The following BCAS3 variants were observed in gnomAD, a reference collection of about 807,000 sequenced individuals.
The protein encoded by BCAS3 is BCAS4/BCAS3 fusion.
In BCAS3, 53 loss-of-function variants were observed where a neutral mutation model predicts 116.1. That is an observed-to-expected ratio of 0.46 (90% CI 0.37 to 0.57). The LOEUF (loss-of-function observed/expected upper bound fraction) is 0.57, where lower values mean the gene tolerates loss of function less well. Among genes scored for constraint, BCAS3 ranks in the 20% least tolerant of loss-of-function variants. The pLI, the probability that BCAS3 is intolerant of heterozygous loss-of-function variation, is 0.00. For synonymous variants in BCAS3, 391 were observed against 408.2 expected (o/e 0.96, Z 0.51); for missense variants, 917 against 1,165.4 (o/e 0.79, Z 3.10).
chr17:60,785,093 C>T (rs1405724381), intron 6 of BCAS3, among the ~76,000 whole-genome samples: 3 of 151,822 alleles, frequency 2.0e-5, no homozygotes, highest in South Asian at 2.1e-4. Flanking sequence ...AGCGAGACTC[C>T]GTCTCAAAAA....
intron 7 of BCAS3, among the ~76,000 whole-genome samples, chr17:60,837,645 C>T (rs1341304001): frequency 2.7e-5 from 4 of 148,156 alleles, no homozygotes; most frequent in Non-Finnish European, 5.9e-5. Flanking sequence ...GCAAATATTT[C>T]ACAATACTTT....
At chr17:60,957,790 C>T (rs887997736) in intron 14 of BCAS3, among the ~76,000 whole-genome samples, 1 of 152,100 alleles carries the variant, frequency 6.6e-6, no homozygotes, top group Non-Finnish European at 1.5e-5. Flanking sequence ...TAAAATGGGG[C>T]CAATACCGAT....
chr17:61,370,835 C>T (rs1056595440), intron 23 of BCAS3, among the ~76,000 whole-genome samples: 2 of 152,226 alleles, frequency 1.3e-5, no homozygotes, highest in African/African-American at 2.4e-5. Context: ...AAAGGGCACC[C>T]TGGTACACCC....
At chr17:61,268,566 G>C (rs2049957906) in intron 22 of BCAS3, among the ~76,000 whole-genome samples, 1 of 151,858 alleles carries the variant, frequency 6.6e-6, no homozygotes, top group Non-Finnish European at 1.5e-5. Flanking sequence ...ACCAGTAATT[G>C]TCTTTCTGGG....
At position 61,316,111 on chromosome 17, in the gene BCAS3, C is replaced by T. The variant is rs113408376; in HGVS notation, c.2426-52216C>T. ...CCTGAGGTCAGGAGTTCGAAACCAG[C>T]CTGGCCAACATGGCGAAACCCCCAT... On this transcript the variant is annotated intron_variant, in intron 22 of 23. Coordinates refer to ENST00000407086, the MANE Select transcript of BCAS3 (RefSeq NM_017679.5). The surrounding 1 kb of genome is among the most constrained non-coding windows in gnomAD (Gnocchi z 5.8). Among the ~76,000 whole-genome samples, 164 of 152,116 alleles carry T rather than the reference C, an allele frequency of 1.1e-3. 2 individuals are homozygous for T. Among genetic ancestry groups the T allele is most frequent in the African/African-American group, 3.7e-3 (155 of 41,498 alleles).
At chr17:61,334,541 G>A (rs1001405279) in intron 22 of BCAS3, among the ~76,000 whole-genome samples, 10 of 151,798 alleles carry the variant, frequency 6.6e-5, no homozygotes, top group Non-Finnish European at 1.2e-4. Flanking sequence ...GGCCCTGCCC[G>A]TATTCCCAGC....
intron 22 of BCAS3, among the ~76,000 whole-genome samples, chr17:61,172,944 C>G (rs934752073): frequency 6.6e-6 from 1 of 151,650 alleles, no homozygotes; most frequent in Non-Finnish European, 1.5e-5. Context: ...GCTGAGATGA[C>G]GCCACTGCAC....
At chr17:60,989,012 C>T (rs537328187) in intron 14 of BCAS3, among the ~76,000 whole-genome samples, 1 of 151,682 alleles carries the variant, frequency 6.6e-6, no homozygotes, top group South Asian at 2.1e-4. Context: ...TATTTAGGTG[C>T]TTATAACTAT....
intron 12 of BCAS3, among the ~76,000 whole-genome samples, chr17:60,913,566 T>C (rs943072988): frequency 2.6e-5 from 4 of 152,080 alleles, no homozygotes; most frequent in Admixed American, 2.6e-4. Flanking sequence ...AAAACTGCAG[T>C]GGTTAATGTC....
intron 4 of BCAS3, among the ~76,000 whole-genome samples, chr17:60,698,279 G>T (rs899778728): frequency 6.6e-6 from 1 of 151,706 alleles, no homozygotes; most frequent in African/African-American, 2.4e-5. Flanking sequence ...AAGGAAAAAG[G>T]ATTTACTTAA....
At chr17:61,289,536 A>C (rs2052172979) in intron 22 of BCAS3, among the ~76,000 whole-genome samples, 1 of 152,180 alleles carries the variant, frequency 6.6e-6, no homozygotes, top group African/African-American at 2.4e-5. Context: ...AGTGGTGTGG[A>C]GTAAGAGGGA....
intron 7 of BCAS3, among the ~76,000 whole-genome samples, chr17:60,833,741 G>A (rs974513143): frequency 6.6e-6 from 1 of 152,068 alleles, no homozygotes; most frequent in Non-Finnish European, 1.5e-5. Context: ...TTCACTTCAC[G>A]TATTCTTTCA....
chr17:61,268,574 G>A (rs1448081495), intron 22 of BCAS3, among the ~76,000 whole-genome samples: 2 of 151,814 alleles, frequency 1.3e-5, no homozygotes, highest in African/African-American at 2.4e-5. Context: ...TTGTCTTTCT[G>A]GGTTTTTTTT....
intron 22 of BCAS3, among the ~76,000 whole-genome samples, chr17:61,157,850 T>C (rs954881781): frequency 2.6e-5 from 4 of 152,234 alleles, no homozygotes; most frequent in Non-Finnish European, 4.4e-5. Context: ...ATTTTACATA[T>C]CTACTTCTGT....
chr17:60,979,972 A>G (rs555939427), intron 14 of BCAS3, among the ~76,000 whole-genome samples: 2 of 151,322 alleles, frequency 1.3e-5, no homozygotes, highest in Non-Finnish European at 2.9e-5. Context: ...TTGGTTGTGT[A>G]TTTGCCCGGC....
rs2144502147 is a variant in BCAS3, at chr17:61,241,273, G to C, written c.2426-127054G>C. ...GCTTAGCAAGTGATGAAGCTAGTGA[G>C]TGAGCCTGTTTACCACCAAGTACCC... is the stretch of plus-strand genomic sequence containing the variant. On this transcript the variant is annotated intron_variant, in intron 22 of 23. Coordinates refer to ENST00000407086, the MANE Select transcript of BCAS3 (RefSeq NM_017679.5). This position sits in a 1 kb window ranked among gnomAD's most constrained non-coding sequence, Gnocchi z 4.6. Among the ~76,000 whole-genome samples the C allele has an allele frequency of 6.6e-6, 1 of 152,202 alleles. No homozygotes were observed. Among genetic ancestry groups the C allele is most frequent in the Non-Finnish European group, 1.5e-5 (1 of 68,020 alleles).
chr17:60,698,118 G>A (rs1359532122), intron 4 of BCAS3, among the ~76,000 whole-genome samples: 1 of 148,262 alleles, frequency 6.7e-6, no homozygotes, highest in Non-Finnish European at 1.5e-5. Context: ...GGCAGAGCTT[G>A]CAGTGAGCTG....
At chr17:60,731,921 G>C (rs1286710131) in intron 5 of BCAS3, among the ~76,000 whole-genome samples, 1 of 151,402 alleles carries the variant, frequency 6.6e-6, no homozygotes, top group Non-Finnish European at 1.5e-5. Context: ...TGGGATTATA[G>C]GTGCTTGCTA....
rs1053681066 is a variant in BCAS3, at chr17:61,217,022, C to A, written c.2425+132458C>A. 6.6e-6 allele frequency among the ~76,000 whole-genome samples: 1 copy of A among 151,782 alleles called. No homozygotes were observed. ...TTTGGCCGGGTGGGGTGGCTGACAC[C>A]TGTAATCCCAGCACTTTGGGAGGCT... On this transcript the variant is annotated intron_variant, in intron 22 of 23. Coordinates refer to ENST00000407086, the MANE Select transcript of BCAS3 (RefSeq NM_017679.5). This position sits in a 1 kb window ranked among gnomAD's most constrained non-coding sequence, Gnocchi z 5.2.
Sources: allele counts gnomAD v4.1 joint callset (sites outside exome capture counted in the v4.1 genomes callset), GRCh38; gene constraint gnomAD v4.1.1; non-coding constraint Gnocchi (gnomAD v3.1); transcripts MANE v1.5; gene names NCBI Gene and HGNC (gene_info 2026-07-23, HGNC 2026-07-21).